The following GNAQ variants were observed in gnomAD, a reference collection of about 807,000 sequenced individuals.
The protein encoded by GNAQ is guanine nucleotide-binding protein G(q) subunit alpha.
GNAQ carries 8 observed loss-of-function variants against 43.9 expected under a neutral mutation model. The observed-to-expected ratio is 0.18, with a 90% CI of 0.11 to 0.33. The LOEUF is 0.33. Ranked by LOEUF, GNAQ falls within the 10% of genes least tolerant of loss-of-function variation. The pLI is 1.00. For synonymous variants in GNAQ, 155 were observed against 170.7 expected (o/e 0.91, Z 0.71); for missense variants, 158 against 450.8 (o/e 0.35, Z 5.88).
chr9:77,883,672 CAGT>C (rs1395552819), intron 2 of GNAQ, among the ~76,000 whole-genome samples: 1 of 151,526 alleles, frequency 6.6e-6, no homozygotes, highest in Non-Finnish European at 1.5e-5. Flanking sequence ...TTGGCATTCC[CAGT>C]ATCTATTATA....
At chr9:77,839,291 A>C (rs1827444523) in intron 2 of GNAQ, among the ~76,000 whole-genome samples, 1 of 152,198 alleles carries the variant, frequency 6.6e-6, no homozygotes, top group South Asian at 2.1e-4. Context: ...CCATTCAAAA[A>C]CTACTTTATT....
intron 5 of GNAQ, among the ~76,000 whole-genome samples, chr9:77,729,915 T>A (rs1466428545): frequency 6.6e-6 from 1 of 152,190 alleles, no homozygotes; most frequent in African/African-American, 2.4e-5. Flanking sequence ...TTATGGTAAT[T>A]AGTTTAGCCA....
At chr9:77,897,620 A>C (rs1027910856) in intron 2 of GNAQ, among the ~76,000 whole-genome samples, 1 of 152,186 alleles carries the variant, frequency 6.6e-6, no homozygotes, top group Admixed American at 6.5e-5. Flanking sequence ...ACCTGGGCAA[A>C]ACTTCGGGTG....
chr9:77,967,708 G>A (rs1391349258), intron 1 of GNAQ, among the ~76,000 whole-genome samples: 6 of 152,116 alleles, frequency 3.9e-5, no homozygotes, highest in Non-Finnish European at 5.9e-5. Context: ...TGCTGGGCGC[G>A]GTGGCTCTCT....
chr9:78,021,709 C>T (rs1380455789), intron 1 of GNAQ, among the ~76,000 whole-genome samples: 2 of 152,268 alleles, frequency 1.3e-5, no homozygotes, highest in East Asian at 3.9e-4. Flanking sequence ...TGGGCTTGGG[C>T]AACAAGATTA....
chr9:78,013,351 T>C (rs1315217478), intron 1 of GNAQ, among the ~76,000 whole-genome samples: 2 of 151,890 alleles, frequency 1.3e-5, no homozygotes, highest in African/African-American at 4.8e-5. Context: ...TTAGGGTACA[T>C]GTGCACAACA....
intron 5 of GNAQ, among the ~76,000 whole-genome samples, chr9:77,748,756 A>C (rs1825768589): frequency 6.6e-6 from 1 of 152,248 alleles, no homozygotes. Flanking sequence ...CACAGCAAGA[A>C]CATGACAAAT....
chr9:77,808,012 G>A lies in GNAQ; in HGVS notation c.476+7604C>T, dbSNP rs192707417. On this transcript the variant is annotated intron_variant, in intron 3 of 6. Coordinates refer to ENST00000286548, the MANE Select transcript of GNAQ (RefSeq NM_002072.5). ...GCAGGTTTGCTAATCCCTGTTCTAC[G>A]GTAATAGGCTTTAGCTAGGCACATC... Among the ~76,000 whole-genome samples the A allele has an allele frequency of 3.9e-5, 6 of 152,178 alleles. No individual in the cohort carries two copies. In the East Asian group the frequency reaches 1.2e-3, roughly 30 times the overall value.
In GNAQ at chr9:77,856,034, A is replaced by G. The variant is rs143046710; in HGVS notation, c.322-40264T>C. On this transcript the variant is annotated intron_variant, in intron 2 of 6. Coordinates refer to ENST00000286548, the MANE Select transcript of GNAQ (RefSeq NM_002072.5). ...TAGGCTCAGCTCATAGATCTTGCTT[A>G]CCAACTATTTGCTGAATGAATAATA... Among the ~76,000 whole-genome samples the G allele has an allele frequency of 3.3e-5, 5 of 152,164 alleles. No individual in the cohort carries two copies. The East Asian group carries it at 9.7e-4, about 30-fold the overall frequency.
rs530334994 is a variant in GNAQ at position 77,802,414 on chromosome 9, G to A, written c.477-4766C>T. ...AGAACATCATCATTTGATGGTCCTC[G>A]TCACATACTGAGAAAAGGTAATAAA... On this transcript the variant is annotated intron_variant, in intron 3 of 6. Transcript: ENST00000286548. Among the ~76,000 whole-genome samples, 6 of 151,978 alleles carry A rather than the reference G, an allele frequency of 3.9e-5. No homozygotes were observed. The East Asian group carries it at 5.8e-4, about 15-fold the overall frequency.
intron 5 of GNAQ, among the ~76,000 whole-genome samples, chr9:77,773,833 ATC>A (rs1333965615): frequency 2.0e-4 from 30 of 152,200 alleles, no homozygotes; most frequent in African/African-American, 7.2e-4. Context: ...CTGGATCTTA[ATC>A]TAGGCTCTCT....
intron 1 of GNAQ, among the ~76,000 whole-genome samples, chr9:77,991,933 G>A (rs528747873): frequency 4.6e-5 from 7 of 152,306 alleles, no homozygotes; most frequent in Middle Eastern, 6.8e-3. Flanking sequence ...ATTCCATGGT[G>A]TATATATGCC....
intron 5 of GNAQ, among the ~76,000 whole-genome samples, chr9:77,760,225 T>TCCCTCTCCCTCCTCG: frequency 6.9e-6 from 1 of 145,616 alleles, no homozygotes; most frequent in African/African-American, 2.5e-5. Context: ...GACTTCCCTC[T>TCCCTCTCCCTCCTCG]CCCTCTCCCC....
At chr9:77,833,376 T>C (rs1233100479) in intron 2 of GNAQ, among the ~76,000 whole-genome samples, 2 of 152,232 alleles carry the variant, frequency 1.3e-5, no homozygotes, top group Non-Finnish European at 2.9e-5. Flanking sequence ...CCTTAGCTAG[T>C]TCTGAATGCC....
chr9:77,736,264 C>T (rs1049253312), intron 5 of GNAQ, among the ~76,000 whole-genome samples: 1 of 152,156 alleles, frequency 6.6e-6, no homozygotes, highest in African/African-American at 2.4e-5. Context: ...ATGCTCAATA[C>T]GCTCAACCCC....
intron 3 of GNAQ, among the ~76,000 whole-genome samples, chr9:77,805,640 G>T (rs577727494): frequency 1.3e-5 from 2 of 151,898 alleles, no homozygotes; most frequent in East Asian, 1.9e-4. Flanking sequence ...TCCTGACCTC[G>T]TCATCTGCCA....
At chr9:77,974,130 GT>G (rs1342540965) in intron 1 of GNAQ, among the ~76,000 whole-genome samples, 1 of 151,962 alleles carries the variant, frequency 6.6e-6, no homozygotes, top group Non-Finnish European at 1.5e-5. Context: ...AGAATGAAAG[GT>G]TAAGCCTGTT....
At chr9:77,906,340 AAT>A (rs1157008705) in intron 2 of GNAQ, among the ~76,000 whole-genome samples, 2 of 152,052 alleles carry the variant, frequency 1.3e-5, no homozygotes, top group Non-Finnish European at 2.9e-5. Flanking sequence ...CTAAAACACT[AAT>A]AAAACTGAGT....
At chr9:77,736,940 A>G (rs182271888) in intron 5 of GNAQ, among the ~76,000 whole-genome samples, 1 of 152,316 alleles carries the variant, frequency 6.6e-6, no homozygotes. Flanking sequence ...TCTATTTACC[A>G]ATTATCCTAT....
Sources: allele counts gnomAD v4.1 joint callset (sites outside exome capture counted in the v4.1 genomes callset), GRCh38; gene constraint gnomAD v4.1.1; transcripts MANE v1.5; gene names NCBI Gene and HGNC (gene_info 2026-07-23, HGNC 2026-07-21).